Variants in EPHA5 observed in about 807,000 individuals in gnomAD.
EPHA5 encodes the protein ephrin type-A receptor 5.
EPHA5 carries 60 observed loss-of-function variants against 105.0 expected under a neutral mutation model. That is an observed-to-expected ratio of 0.57 (90% confidence interval 0.46 to 0.71). EPHA5 has a LOEUF of 0.71. EPHA5 is among the 30% of genes least tolerant of loss of function. The pLI, the probability that EPHA5 is intolerant of heterozygous loss-of-function variation, is 0.00. For synonymous variants in EPHA5, 513 were observed against 449.1 expected, an observed-to-expected ratio of 1.14 and a Z score of -1.80; for missense variants, 1,218 against 1,274.7, an observed-to-expected ratio of 0.96 and a Z score of 0.68.
chr4:65,517,367 AAT>A (rs1376295654), intron 3 of EPHA5, among the ~76,000 whole-genome samples: 2 of 151,814 alleles, frequency 1.3e-5, no homozygotes, highest in African/African-American at 4.8e-5. Context: ...TTATATTTAA[AAT>A]ATGTTTCTTA....
intron 8 of EPHA5, among the ~76,000 whole-genome samples, chr4:65,402,320 A>T (rs1721921430): frequency 6.6e-6 from 1 of 152,180 alleles, no homozygotes; most frequent in Non-Finnish European, 1.5e-5. Flanking sequence ...TACAAAGTGT[A>T]TGGGTGACTT....
chr4:65,372,694 T>C (rs1258549752), intron 8 of EPHA5, among the ~76,000 whole-genome samples: 1 of 151,910 alleles, frequency 6.6e-6, no homozygotes, highest in African/African-American at 2.4e-5. Context: ...TGAGTTCTTA[T>C]CTCACATTTG....
At chr4:65,439,564 T>C (rs1423764847) in intron 5 of EPHA5, among the ~76,000 whole-genome samples, 1 of 151,892 alleles carries the variant, frequency 6.6e-6, no homozygotes, top group African/African-American at 2.4e-5. Context: ...TAAACCTGAG[T>C]AGAATTACAA....
intron 1 of EPHA5, chr4:65,669,301 T>C (rs1240523038): frequency 2.5e-6 from 2 of 797,484 alleles, no homozygotes; most frequent in Non-Finnish European, 3.0e-6. Flanking sequence ...CCCAAGGTTT[T>C]CCACCTTCCC....
chr4:65,406,067 G>A (rs1024405798), intron 7 of EPHA5, among the ~76,000 whole-genome samples: 8 of 152,020 alleles, frequency 5.3e-5, no homozygotes, highest in Admixed American at 1.3e-4. Flanking sequence ...CATTTGCTCC[G>A]TGTATTAATC....
chr4:65,466,028 A>G (rs1290858079), intron 5 of EPHA5, among the ~76,000 whole-genome samples: 1 of 152,228 alleles, frequency 6.6e-6, no homozygotes, highest in African/African-American at 2.4e-5. Flanking sequence ...TAAGTAAATC[A>G]TATAGTGTTA....
chr4:65,346,792 C>T (rs1388750300), intron 14 of EPHA5, among the ~76,000 whole-genome samples: 1 of 151,988 alleles, frequency 6.6e-6, no homozygotes, highest in African/African-American at 2.4e-5. Flanking sequence ...AGAAAAAAAT[C>T]AAACAACCCC....
chr4:65,351,358 G>C (rs2148853487), intron 13 of EPHA5, 31 bp downstream of exon 13: 2 of 1,588,844 alleles, frequency 1.3e-6, no homozygotes, highest in Non-Finnish European at 1.7e-6. Flanking sequence ...CTCTGGTCTA[G>C]TGTTTAGAAA....
At chr4:65,355,925 A>C (rs1219350386) in intron 11 of EPHA5, among the ~76,000 whole-genome samples, 3 of 151,582 alleles carry the variant, frequency 2.0e-5, no homozygotes, top group Non-Finnish European at 3.0e-5. Flanking sequence ...TAATTCCAGA[A>C]ATCCTCCATG....
chr4:65,421,259 T>G (rs1483026508), intron 5 of EPHA5, among the ~76,000 whole-genome samples: 1 of 152,054 alleles, frequency 6.6e-6, no homozygotes, highest in East Asian at 1.9e-4. Context: ...GTCTGGATAT[T>G]TTGAGTTTGC....
At chr4:65,574,850 T>C (rs1223054275) in intron 3 of EPHA5, among the ~76,000 whole-genome samples, 4 of 150,510 alleles carry the variant, frequency 2.7e-5, no homozygotes, top group African/African-American at 9.8e-5. Flanking sequence ...AAACTTTTCT[T>C]ATAAAACCCT....
intron 2 of EPHA5, among the ~76,000 whole-genome samples, chr4:65,608,495 C>T (rs1282955389): frequency 2.0e-5 from 3 of 150,842 alleles, no homozygotes; most frequent in African/African-American, 7.3e-5. Context: ...CAGAGCGAGA[C>T]TCCATCTCAA....
At chr4:65,524,890 T>G (rs1410515953) in intron 3 of EPHA5, among the ~76,000 whole-genome samples, 1 of 151,730 alleles carries the variant, frequency 6.6e-6, no homozygotes, top group African/African-American at 2.4e-5. Flanking sequence ...AAGGATGGGC[T>G]CCTGAGTTTT....
intron 2 of EPHA5, among the ~76,000 whole-genome samples, chr4:65,616,317 T>A (rs536426047): frequency 4.0e-4 from 60 of 150,682 alleles, no homozygotes; most frequent in African/African-American, 1.4e-3. Context: ...TATATGAGAG[T>A]GGTCATAAAA....
chr4:65,637,865 G>A (rs1482196990), intron 2 of EPHA5, among the ~76,000 whole-genome samples: 2 of 151,952 alleles, frequency 1.3e-5, no homozygotes, highest in African/African-American at 4.8e-5. Context: ...TAGAAACATT[G>A]TAAAGTGGCA....
intron 5 of EPHA5, among the ~76,000 whole-genome samples, chr4:65,474,287 A>G (rs1729584805): frequency 6.6e-6 from 1 of 152,232 alleles, no homozygotes; most frequent in African/African-American, 2.4e-5. Flanking sequence ...AACGTCATTT[A>G]CTATTTTATT....
At chr4:65,426,602 G>A (rs1055967359) in intron 5 of EPHA5, among the ~76,000 whole-genome samples, 28 of 152,122 alleles carry the variant, frequency 1.8e-4, no homozygotes, top group Non-Finnish European at 3.5e-4. Context: ...AGCATAGAAT[G>A]GCATTTAATT....
chr4:65,654,594 C>A (rs1222732727), intron 1 of EPHA5, among the ~76,000 whole-genome samples: 4 of 150,972 alleles, frequency 2.6e-5, no homozygotes, highest in Non-Finnish European at 5.9e-5. Flanking sequence ...CCATCTGAAT[C>A]TCCTAAATCA....
At chr4:65,447,183 G>A (rs1726629715) in intron 5 of EPHA5, among the ~76,000 whole-genome samples, 1 of 151,562 alleles carries the variant, frequency 6.6e-6, no homozygotes, top group South Asian at 2.1e-4. Context: ...TGATTACATT[G>A]AGAACAATGG....
Sources: allele counts gnomAD v4.1 joint callset (sites outside exome capture counted in the v4.1 genomes callset), GRCh38; gene constraint gnomAD v4.1.1; transcripts MANE v1.5; gene names NCBI Gene and HGNC (gene_info 2026-07-23, HGNC 2026-07-21).